Variants in CD3E observed in about 807,000 individuals in gnomAD.
The protein encoded by CD3E is CD3 epsilon subunit of T-cell receptor complex.
Under a neutral mutation model 34.7 loss-of-function variants are expected in CD3E, and 16 were observed. The ratio of observed to expected loss-of-function variants is 0.46; its 90% CI spans 0.31 to 0.70. The LOEUF (loss-of-function observed/expected upper bound fraction) is 0.70. CD3E is among the 30% of genes least tolerant of loss of function. The probability of loss-of-function intolerance (pLI) is 0.05; values close to 1 mark genes in which losing one functional copy is unlikely to be tolerated. For missense variants in CD3E, 223 were observed against 253.9 expected (o/e 0.88, Z 0.83); for synonymous variants, 70 against 90.8 (o/e 0.77, Z 1.30).
intron 2 of CD3E, 127 bp from the exon 3 acceptor site, chr11:118,307,161 C>T (rs1437341194): frequency 1.4e-6 from 1 of 724,550 alleles, no homozygotes; most frequent in Non-Finnish European, 2.4e-6. Flanking sequence ...TGGCTGTGAC[C>T]CAGCAGCAAG....
At chr11:118,315,410 C>A in intron 8 of CD3E, 76 bp from the exon 9 acceptor site, 3 of 1,281,286 alleles carry the variant, frequency 2.3e-6, no homozygotes, top group Non-Finnish European at 2.2e-6. Flanking sequence ...CGCACTAAAG[C>A]TAGCTCTTCA....
Position 118,304,991 on chromosome 11 carries a change from C to T in CD3E, c.39C>T (p.Cys13=). 7.4e-6 allele frequency: 12 copies of T among 1,613,896 alleles called. No homozygotes were observed. Among genetic ancestry groups the T allele is most frequent in the Non-Finnish European group, 1.0e-5 (12 of 1,179,764 alleles). The stretch of plus-strand genomic sequence containing the variant: ...CTCACTGGAGAGTTCTGGGCCTCTG[C>T]CTCTTATCAGGTGAGTAGGATGGAG... ...SGTHWRVLGL[C]LLSVGVWGQD... is the part of the protein sequence containing the mutation. Residue 13 remains cysteine, a synonymous_variant, in exon 2 of 9, where the codon TGC becomes TGT. Transcript: ENST00000361763.
At chr11:118,313,924 C>CA in intron 7 of CD3E, 50 bp downstream of exon 7, 1 of 1,597,720 alleles carries the variant, frequency 6.3e-7, no homozygotes, top group South Asian at 1.1e-5. Context: ...GGGGGACGAC[C>CA]AGCCTGGGCC....
At chr11:118,312,959 G>A in intron 6 of CD3E, 93 bp downstream of exon 6, 1 of 1,427,008 alleles carries the variant, frequency 7.0e-7, no homozygotes, top group Non-Finnish European at 9.8e-7. Context: ...CCAGCTCACA[G>A]TGCCCAGGCG....
chr11:118,315,462 G>A (rs778855337), intron 8 of CD3E, 24 bp from the exon 9 acceptor site: 17 of 1,607,808 alleles, frequency 1.1e-5, no homozygotes, highest in Middle Eastern at 1.6e-4. Flanking sequence ...ACCACTGACC[G>A]CCCCCTCTCT....
At position 118,313,702 on chromosome 11, in the gene CD3E, C is replaced by T. The variant is rs374456909; in HGVS notation, c.353-5C>T. 4 of 1,613,890 alleles carry T rather than the reference C, an allele frequency of 2.5e-6. No homozygotes were observed. Among genetic ancestry groups the T allele is most frequent in the African/African-American group, 1.3e-5 (1 of 75,012 alleles). ...TTTCCCCTCTCCCCACCCCACCCCC[C>T]ACAGTGTGTGAGAACTGCATGGAGA... is the stretch of plus-strand genomic sequence containing the variant. On this transcript the variant is annotated splice_region_variant and splice_polypyrimidine_tract_variant and intron_variant, in intron 6 of 8. Coordinates refer to ENST00000361763, the MANE Select transcript of CD3E (RefSeq NM_000733.4).
At chr11:118,314,312 G>A (rs995175995) in intron 7 of CD3E, 136 bp from the exon 8 acceptor site, 26 of 742,512 alleles carry the variant, frequency 3.5e-5, no homozygotes, top group Admixed American at 1.0e-4. Flanking sequence ...GAGAAAGGAC[G>A]TCTGAACAGA....
intron 4 of CD3E, among the ~76,000 whole-genome samples, chr11:118,309,448 T>A (rs1293066638): frequency 6.6e-6 from 1 of 152,130 alleles, no homozygotes; most frequent in Non-Finnish European, 1.5e-5. Context: ...TGGTGGCAGG[T>A]GCCTGTAATC....
rs1263547844 is a variant in CD3E at position 118,315,734 on chromosome 11, A to G, written c.*192A>G. ...CTCTGCTGGTACCCAGTCCTAAAATATTGCTGCTTCCTCTTCCTTTGAAGC... is the reference window on the plus strand; with the variant it reads ...CTCTGCTGGTACCCAGTCCTAAAATGTTGCTGCTTCCTCTTCCTTTGAAGC... On this transcript the variant is annotated 3_prime_UTR_variant, in exon 9 of 9. Coordinates refer to ENST00000361763, the MANE Select transcript of CD3E (RefSeq NM_000733.4). The G allele has an allele frequency of 1.6e-6, 1 of 638,068 alleles. No homozygotes were observed. The highest frequency in any genetic ancestry group is 2.8e-6 in the Non-Finnish European group (1 of 352,636). The allele number at this position is 638,068 out of a possible 1,614,324, so 39.5% of individuals were successfully genotyped here.
chr11:118,312,415 G>A, intron 5 of CD3E: 1 of 717,880 alleles, frequency 1.4e-6, no homozygotes, highest in Non-Finnish European at 2.3e-6. Flanking sequence ...AGGTTCTCTA[G>A]TTCCCTTCAA....
At position 118,314,446 on chromosome 11, in the gene CD3E, A is replaced by G; in HGVS notation, c.521-2A>G. On this transcript the variant is annotated splice_acceptor_variant, in intron 7 of 8. Transcript: ENST00000361763. LOFTEE classifies it high-confidence loss of function. ...GAAATGTTTCCCCTCCTTCCTCCGC[A>G]GGACAAAACAAGGAGAGGCCACCAC... 1.2e-6 allele frequency: 2 copies of G among 1,613,764 alleles called. No homozygotes were observed. Among genetic ancestry groups the G allele is most frequent in the Middle Eastern group, 1.6e-4 (1 of 6,062 alleles).
chr11:118,308,481 T>C (rs1252125723), intron 4 of CD3E, 40 bp downstream of exon 4: 1 of 1,332,636 alleles, frequency 7.5e-7, no homozygotes, highest in Non-Finnish European at 1.1e-6. Context: ...AGTTTTCAAA[T>C]ATGGAATGAA....
In CD3E at chr11:118,312,751, G is replaced by A. The variant is rs1382459222; in HGVS notation, c.237G>A (p.Glu79=). The A allele has an allele frequency of 1.9e-6, 3 of 1,614,164 alleles. No individual in the cohort carries two copies. Among genetic ancestry groups the A allele is most frequent in the Non-Finnish European group, 2.5e-6 (3 of 1,180,026 alleles). The change falls in exon 6 of 9, where the codon GAG becomes GAA. Residue 79 remains glutamate (E), a synonymous_variant. Coordinates refer to ENST00000361763, the MANE Select transcript of CD3E (RefSeq NM_000733.4). ...ATGATAAAAACATAGGCAGTGATGA[G>A]GATCACCTGTCACTGAAGGAATTTT... ...DEDDKNIGSD[E]DHLSLKEFSE... is the part of the protein sequence containing the mutation.
At chr11:118,313,658 T>G in intron 6 of CD3E, 49 bp from the exon 7 acceptor site, 1 of 1,585,310 alleles carries the variant, frequency 6.3e-7, no homozygotes, top group Non-Finnish European at 8.7e-7. Context: ...CAGCGCCTTG[T>G]GTTTTCCTTG....
At chr11:118,313,145 C>T (rs1948145754) in intron 6 of CD3E, 3 of 484,100 alleles carry the variant, frequency 6.2e-6, no homozygotes, top group Non-Finnish European at 1.1e-5. Context: ...CCGCATCACA[C>T]CCAGGTTCAT....
At chr11:118,305,174 A>G (rs1948098916) in intron 2 of CD3E, among the ~76,000 whole-genome samples, 173 bp downstream of exon 2, 1 of 152,256 alleles carries the variant, frequency 6.6e-6, no homozygotes, top group South Asian at 2.1e-4. Flanking sequence ...AAGATAGGCC[A>G]CGGGTGCCTG....
Position 118,312,799 on chromosome 11 carries a change from T to C in CD3E, c.285T>C (p.Tyr95=), listed in dbSNP as rs200609159. The C allele has an allele frequency of 2.5e-6, 4 of 1,614,084 alleles. No individual in the cohort carries two copies. The highest frequency in any genetic ancestry group is 3.4e-6 in the Non-Finnish European group (4 of 1,180,026). Residue 95 remains tyrosine (Y), a synonymous_variant, in exon 6 of 9, where the codon TAT becomes TAC. Transcript: ENST00000361763. ...KEFSELEQSG[Y]YVCYPRGSKP... ...TTTCAGAATTGGAGCAAAGTGGTTATTATGTCTGCTACCCCAGAGGAAGCA... is the reference window on the plus strand; with the variant it reads ...TTTCAGAATTGGAGCAAAGTGGTTACTATGTCTGCTACCCCAGAGGAAGCA...
At chr11:118,306,865 A>G (rs980267056) in intron 2 of CD3E, among the ~76,000 whole-genome samples, 1 of 152,224 alleles carries the variant, frequency 6.6e-6, no homozygotes, top group Non-Finnish European at 1.5e-5. Flanking sequence ...GAACCACCAG[A>G]AAAGCAGAGC....
intron 6 of CD3E, 76 bp from the exon 7 acceptor site, chr11:118,313,631 C>T (rs2134767587): frequency 1.5e-6 from 2 of 1,378,438 alleles, no homozygotes; most frequent in Non-Finnish European, 1.0e-6. Context: ...GGCCTTCATG[C>T]ACTCCCTCCT....
Sources: allele counts gnomAD v4.1 joint callset (sites outside exome capture counted in the v4.1 genomes callset), GRCh38; gene constraint gnomAD v4.1.1; transcripts MANE v1.5; gene names NCBI Gene and HGNC (gene_info 2026-07-23, HGNC 2026-07-21).